The following CDH19 variants were observed in gnomAD, a reference collection of about 807,000 sequenced individuals.
The protein encoded by CDH19 is cadherin 19, also known as cadherin-19.
Under a neutral mutation model 64.2 loss-of-function variants are expected in CDH19, and 67 were observed. The observed-to-expected ratio is 1.04, with a 90% CI of 0.86 to 1.28. CDH19 has a LOEUF of 1.28. CDH19 is among the 50% of genes most tolerant of loss of function. The probability of loss-of-function intolerance (pLI) is 0.00; values close to 1 mark genes in which losing one functional copy is unlikely to be tolerated. For missense variants in CDH19, 1,030 were observed against 929.0 expected, an observed-to-expected ratio of 1.11 and a Z score of -1.41; for synonymous variants, 346 against 319.3, an observed-to-expected ratio of 1.08 and a Z score of -0.89.
rs1425941738 is a variant in CDH19, at chr18:66,509,259, T to C, written c.1577-13A>G. On this transcript the variant is annotated splice_polypyrimidine_tract_variant and intron_variant, in intron 10 of 11. Transcript: ENST00000262150. The stretch of plus-strand genomic sequence containing the variant: ...ACAGCTGTGTTATCTAAAACAAAAA[T>C]CCATGTGCATAATTTTTTCAACTAC... 2 of 1,609,178 alleles carry C rather than the reference T, an allele frequency of 1.2e-6. No homozygotes were observed. Among genetic ancestry groups the C allele is most frequent in the East Asian group, 2.2e-5 (1 of 44,804 alleles).
intron 4 of CDH19, among the ~76,000 whole-genome samples, chr18:66,552,827 C>G (rs546505786): frequency 7.5e-6 from 1 of 133,946 alleles, no homozygotes; most frequent in Admixed American, 7.2e-5. Context: ...AACATGGTCA[C>G]GAAGGCCTGG....
rs183583437 is a variant in CDH19 at position 66,504,459 on chromosome 18, T to C, written c.*353A>G. ...ACTTGCAAATTTTTGCTCCTTTAAA[T>C]TTTCTCGTTTGGTATTTTTACTCTT... On this transcript the variant is annotated 3_prime_UTR_variant, in exon 12 of 12. Coordinates refer to ENST00000262150, the MANE Select transcript of CDH19 (RefSeq NM_021153.4). 311 of 177,474 alleles carry C rather than the reference T, an allele frequency of 1.8e-3. 1 individual carries two copies. Among genetic ancestry groups the C allele is most frequent in the Non-Finnish European group, 1.2e-3 (106 of 85,282 alleles). 11.0% of individuals were successfully genotyped at this position (177,474 alleles called of 1,614,324 possible).
chr18:66,516,891 A>G (rs1004764698), intron 9 of CDH19, among the ~76,000 whole-genome samples: 6 of 152,110 alleles, frequency 3.9e-5, no homozygotes, highest in South Asian at 2.1e-4. Flanking sequence ...TATGTAGGAG[A>G]TGGGATCAAC....
intron 2 of CDH19, among the ~76,000 whole-genome samples, chr18:66,571,058 G>A (rs1170429758): frequency 6.6e-6 from 1 of 151,506 alleles, no homozygotes; most frequent in Admixed American, 6.6e-5. Context: ...AAAATAAAAG[G>A]GGTTGAGAAA....
intron 3 of CDH19, among the ~76,000 whole-genome samples, chr18:66,559,711 T>G (rs915223855): frequency 6.6e-6 from 1 of 150,808 alleles, no homozygotes; most frequent in South Asian, 2.1e-4. Context: ...CATATATATA[T>G]TCATGAAACC....
intron 5 of CDH19, among the ~76,000 whole-genome samples, chr18:66,550,013 A>C (rs1987281520): frequency 2.0e-5 from 3 of 152,134 alleles, no homozygotes; most frequent in African/African-American, 7.2e-5. Context: ...GAGGAAAAAA[A>C]AGTAATCAAA....
chr18:66,592,245 A>T (rs1988766840), intron 1 of CDH19, among the ~76,000 whole-genome samples: 1 of 151,862 alleles, frequency 6.6e-6, no homozygotes, highest in Admixed American at 6.6e-5. Context: ...TTTTGTACAT[A>T]TTCAAATATG....
At chr18:66,581,607 G>A (rs1259635861) in intron 1 of CDH19, among the ~76,000 whole-genome samples, 1 of 152,052 alleles carries the variant, frequency 6.6e-6, no homozygotes, top group Non-Finnish European at 1.5e-5. Context: ...TTCCTCCTGT[G>A]CTGGATGCTT....
intron 1 of CDH19, among the ~76,000 whole-genome samples, chr18:66,574,174 G>A (rs1389524720): frequency 2.0e-5 from 3 of 151,556 alleles, no homozygotes; most frequent in African/African-American, 2.4e-5. Flanking sequence ...GTCCTACAGA[G>A]TTTCACATAG....
chr18:66,523,041 C>T (rs1348191281), intron 9 of CDH19, among the ~76,000 whole-genome samples: 1 of 151,778 alleles, frequency 6.6e-6, no homozygotes, highest in Non-Finnish European at 1.5e-5. Flanking sequence ...TTTAATACTG[C>T]CTTTATCATT....
At chr18:66,581,391 A>G (rs1988417250) in intron 1 of CDH19, among the ~76,000 whole-genome samples, 1 of 152,086 alleles carries the variant, frequency 6.6e-6, no homozygotes, top group Non-Finnish European at 1.5e-5. Context: ...GGATTGAAGA[A>G]TCCCTAGATA....
At chr18:66,575,017 C>T (rs1988224695) in intron 1 of CDH19, among the ~76,000 whole-genome samples, 1 of 151,710 alleles carries the variant, frequency 6.6e-6, no homozygotes, top group Non-Finnish European at 1.5e-5. Flanking sequence ...ATCCAAAGAA[C>T]ATGTAAAAAA....
In CDH19 at chr18:66,554,397, ACAAATACCTGTTGTTGGTT is replaced by A. The variant is rs758352538; in HGVS notation, c.599_610+7del. 2.5e-6 allele frequency: 4 copies of A among 1,609,886 alleles called. No individual in the cohort carries two copies. The Admixed American group carries it at 5.0e-5, about 20-fold the overall frequency. On this transcript the variant is annotated splice_donor_variant and splice_donor_5th_base_variant and coding_sequence_variant and intron_variant, in exon 4 of 12. Transcript: ENST00000262150. LOFTEE classifies it high-confidence loss of function. Reference sequence around the variant, plus strand: ...ATGTTAAACTTTGCTTGTTTCATTCACAAATACCTGTTGTTGGTTCAACAGAAAAATATGGCTGGCCTTG... The same window carrying A: ...ATGTTAAACTTTGCTTGTTTCATTCACAACAGAAAAATATGGCTGGCCTTG...
intron 1 of CDH19, among the ~76,000 whole-genome samples, chr18:66,600,515 G>A (rs1385832675): frequency 1.3e-5 from 2 of 151,668 alleles, no homozygotes; most frequent in Non-Finnish European, 1.5e-5. Context: ...TTAAACACTG[G>A]TTTAAAAATG....
intron 2 of CDH19, among the ~76,000 whole-genome samples, chr18:66,569,788 T>C (rs543531245): frequency 3.2e-4 from 48 of 151,710 alleles, no homozygotes; most frequent in Non-Finnish European, 5.5e-4. Flanking sequence ...TTTATGAAAA[T>C]GCTCTTATTC....
rs1422339586 is a variant in CDH19, at chr18:66,502,962, A to C, written c.*1850T>G. 6.6e-6 allele frequency: 1 copy of C among 151,934 alleles called. No homozygotes were observed. Among genetic ancestry groups the C allele is most frequent in the Admixed American group, 6.6e-5 (1 of 15,226 alleles). The allele number at this position is 151,934 out of a possible 1,614,324, so 9.4% of individuals were successfully genotyped here. A position where few individuals can be genotyped will look rare whatever the true frequency, so the allele number is the denominator to read the frequency against. ...TCTTTATTATGTGATATAGATGTTT[A>C]AATTTCAAAGTACCAATAAAATATA... On this transcript the variant is annotated 3_prime_UTR_variant, in exon 12 of 12. Coordinates refer to ENST00000262150, the MANE Select transcript of CDH19 (RefSeq NM_021153.4).
rs920808395 is a variant in CDH19 at position 66,603,952 on chromosome 18, A to G, written c.-113+2T>C. On this transcript the variant is annotated splice_donor_variant, in intron 1 of 11. Coordinates refer to ENST00000262150, the MANE Select transcript of CDH19 (RefSeq NM_021153.4). LOFTEE classifies it low-confidence loss of function (5UTR_SPLICE). ...TAATATGCCTGATTATCACAGTCTTACCTTTGTAACTTCAACTTCTAGAAG... is the reference window on the plus strand; with the variant it reads ...TAATATGCCTGATTATCACAGTCTTGCCTTTGTAACTTCAACTTCTAGAAG... 2 of 152,116 alleles carry G rather than the reference A, an allele frequency of 1.3e-5. No individual in the cohort carries two copies. The highest frequency in any genetic ancestry group is 4.8e-5 in the African/African-American group (2 of 41,430). 9.4% of individuals were successfully genotyped at this position (152,116 alleles called of 1,614,324 possible). A position where few individuals can be genotyped will look rare whatever the true frequency, so the allele number is the denominator to read the frequency against.
intron 7 of CDH19, among the ~76,000 whole-genome samples, chr18:66,537,305 T>C (rs1986711467): frequency 6.6e-6 from 1 of 151,908 alleles, no homozygotes; most frequent in African/African-American, 2.4e-5. Flanking sequence ...AGAGTATTGG[T>C]CAATTATTTT....
chr18:66,603,267 T>A (rs912080537), intron 1 of CDH19, among the ~76,000 whole-genome samples: 58 of 151,040 alleles, frequency 3.8e-4, no homozygotes, highest in African/African-American at 1.2e-3. Context: ...AAATTAGAAT[T>A]GAAACAATAT....
Sources: allele counts gnomAD v4.1 joint callset (sites outside exome capture counted in the v4.1 genomes callset), GRCh38; gene constraint gnomAD v4.1.1; transcripts MANE v1.5; gene names NCBI Gene and HGNC (gene_info 2026-07-23, HGNC 2026-07-21).